FAM135B: variants seen among roughly 807,000 people sequenced by gnomAD.
FAM135B encodes family with sequence similarity 135 member B.
Under a neutral mutation model 127.7 loss-of-function variants are expected in FAM135B, and 43 were observed. The observed-to-expected ratio is 0.34, with a 90% CI of 0.26 to 0.43. The LOEUF (loss-of-function observed/expected upper bound fraction) is 0.43. Among genes scored for constraint, FAM135B ranks in the 20% least tolerant of loss-of-function variants. FAM135B has a pLI of 1.00. For missense variants in FAM135B, 1,558 were observed against 1,725.6 expected (o/e 0.90, Z 1.72); for synonymous variants, 670 against 665.1 (o/e 1.01, Z -0.11).
chr8:138,297,969 A>C (rs1165977966), intron 3 of FAM135B, among the ~76,000 whole-genome samples: 1 of 152,212 alleles, frequency 6.6e-6, no homozygotes, highest in African/African-American at 2.4e-5. Context: ...GAAGGGAACA[A>C]ACAACACTTG....
At chr8:138,494,849 A>C (rs73717278) in intron 1 of FAM135B, among the ~76,000 whole-genome samples, 14 of 149,994 alleles carry the variant, frequency 9.3e-5, no homozygotes, top group Non-Finnish European at 3.0e-5. Flanking sequence ...AAAAAAAAAA[A>C]AAACTTAATC....
intron 13 of FAM135B, 83 bp downstream of exon 13, chr8:138,151,111 G>T (rs62532123): frequency 1.0e-6 from 1 of 989,874 alleles, no homozygotes; most frequent in Non-Finnish European, 1.4e-6. Flanking sequence ...TCTAAATTTT[G>T]AAACAGTATG....
chr8:138,257,265 T>C (rs2130551369), intron 4 of FAM135B, among the ~76,000 whole-genome samples: 1 of 152,264 alleles, frequency 6.6e-6, no homozygotes, highest in South Asian at 2.1e-4. Flanking sequence ...TTTGGGAAAG[T>C]GGTCACTTCT....
chr8:138,171,961 C>T (rs78830770), intron 11 of FAM135B, among the ~76,000 whole-genome samples: 2,319 of 152,066 alleles, frequency 0.015, 54 homozygotes, highest in African/African-American at 0.053. Flanking sequence ...TGTGTGCATA[C>T]GAGTGTAGCT....
At chr8:138,425,724 T>C (rs568951329) in intron 1 of FAM135B, among the ~76,000 whole-genome samples, 347 of 152,106 alleles carry the variant, frequency 2.3e-3, no homozygotes, top group African/African-American at 7.0e-3. Flanking sequence ...TTACTCAGTG[T>C]AGATACCATG....
chr8:138,163,537 C>T (rs149183975), intron 12 of FAM135B, among the ~76,000 whole-genome samples: 83 of 152,204 alleles, frequency 5.5e-4, no homozygotes, highest in East Asian at 2.1e-3. Context: ...CATCTGTTCT[C>T]GTGCTCGTGA....
intron 1 of FAM135B, among the ~76,000 whole-genome samples, chr8:138,393,934 C>T (rs536100964): frequency 2.6e-4 from 40 of 152,310 alleles, no homozygotes; most frequent in East Asian, 5.8e-4. Flanking sequence ...GCCACAACCC[C>T]GTGCCTCAGT....
chr8:138,458,117 A>G (rs988359287), intron 1 of FAM135B, among the ~76,000 whole-genome samples: 1 of 152,152 alleles, frequency 6.6e-6, no homozygotes, highest in Non-Finnish European at 1.5e-5. Flanking sequence ...ACGCCGCTGC[A>G]CTCCAGCTTA....
At chr8:138,290,476 T>A (rs1825025104) in intron 3 of FAM135B, among the ~76,000 whole-genome samples, 1 of 152,136 alleles carries the variant, frequency 6.6e-6, no homozygotes. Context: ...CCTGAAATGT[T>A]AGGGTATGTG....
chr8:138,383,091 C>A (rs577834309), intron 1 of FAM135B, among the ~76,000 whole-genome samples: 2 of 152,324 alleles, frequency 1.3e-5, no homozygotes, highest in Admixed American at 1.3e-4. Context: ...TTCCCAACCT[C>A]AAAAGTGTCC....
chr8:138,363,309 A>G (rs145032774), intron 2 of FAM135B, among the ~76,000 whole-genome samples: 8 of 152,294 alleles, frequency 5.3e-5, no homozygotes, highest in East Asian at 3.9e-4. Context: ...ATATTAATTA[A>G]TGCCGTAAAC....
intron 2 of FAM135B, among the ~76,000 whole-genome samples, chr8:138,351,617 G>C (rs1480073345): frequency 1.3e-5 from 2 of 150,548 alleles, no homozygotes; most frequent in Non-Finnish European, 3.0e-5. Flanking sequence ...ACCCAGTTTT[G>C]GATACTTTGT....
chr8:138,237,150 A>ATTTTTT (rs10604150), intron 7 of FAM135B, among the ~76,000 whole-genome samples: 332 of 101,324 alleles, frequency 3.3e-3, no homozygotes, highest in East Asian at 0.014. Flanking sequence ...TGGATCCTTG[A>ATTTTTT]TTTTTTTTTT....
chr8:138,312,884 G>C (rs2130903894), intron 2 of FAM135B, among the ~76,000 whole-genome samples: 1 of 152,284 alleles, frequency 6.6e-6, no homozygotes, highest in Non-Finnish European at 1.5e-5. Context: ...GCAGTAATGA[G>C]GGCATACATA....
intron 11 of FAM135B, among the ~76,000 whole-genome samples, chr8:138,173,030 A>G (rs1275433372): frequency 6.6e-6 from 1 of 152,052 alleles, no homozygotes; most frequent in Non-Finnish European, 1.5e-5. Flanking sequence ...CATCTTTCTA[A>G]ATGACACTCT....
chr8:138,197,800 C>T, intron 7 of FAM135B, 131 bp from the exon 8 acceptor site: 2 of 926,492 alleles, frequency 2.2e-6, no homozygotes, highest in Non-Finnish European at 3.2e-6. Context: ...AAGCAGACCC[C>T]ATCCTGAGTA....
At chr8:138,441,646 A>T (rs1218684871) in intron 1 of FAM135B, 2 of 152,142 alleles carry the variant, frequency 1.3e-5, no homozygotes, top group African/African-American at 4.8e-5. Flanking sequence ...TCACTACCTG[A>T]AACAATGCCT....
At chr8:138,375,048 C>T (rs567686593) in intron 1 of FAM135B, among the ~76,000 whole-genome samples, 98 of 152,268 alleles carry the variant, frequency 6.4e-4, no homozygotes, top group African/African-American at 2.2e-3. Context: ...CTCAGACCTC[C>T]TAATCAGGCT....
intron 12 of FAM135B, among the ~76,000 whole-genome samples, chr8:138,159,700 A>G (rs1819169307): frequency 6.6e-6 from 1 of 152,134 alleles, no homozygotes; most frequent in African/African-American, 2.4e-5. Flanking sequence ...GCACATGTAT[A>G]CATATGTAAC....
Sources: allele counts gnomAD v4.1 joint callset (sites outside exome capture counted in the v4.1 genomes callset), GRCh38; gene constraint gnomAD v4.1.1; transcripts MANE v1.5; gene names NCBI Gene and HGNC (gene_info 2026-07-23, HGNC 2026-07-21).